The following CLEC9A variants were observed in gnomAD, a reference collection of about 807,000 sequenced individuals.
CLEC9A encodes the protein C-type lectin domain family 9 member A.
In CLEC9A, 24 loss-of-function variants were observed where a neutral mutation model predicts 30.0. The observed-to-expected ratio is 0.80, with a 90% CI of 0.58 to 1.13. The LOEUF is 1.13. CLEC9A is among the 50% of genes most tolerant of loss of function. CLEC9A has a pLI of 0.00. For synonymous variants in CLEC9A, 111 were observed against 96.8 expected, an observed-to-expected ratio of 1.15 and a Z score of -0.86; for missense variants, 251 against 280.9, an observed-to-expected ratio of 0.89 and a Z score of 0.76.
chr12:10,050,237 A>T (rs1865881353), intron 2 of CLEC9A, among the ~76,000 whole-genome samples: 1 of 152,246 alleles, frequency 6.6e-6, no homozygotes, highest in African/African-American at 2.4e-5. Context: ...ATCAAAGATC[A>T]CCGTAACAGG....
Position 10,036,006 on chromosome 12 carries a change from A to C in CLEC9A, c.-318+5034A>C, listed in dbSNP as rs528963621. 5.3e-5 allele frequency among the ~76,000 whole-genome samples: 8 copies of C among 152,316 alleles called. No individual in the cohort carries two copies. The East Asian group carries it at 1.3e-3, about 26-fold the overall frequency. ...ACATTGCCTTCTTCTTTTTCTTCTT[A>C]GGCAATATTTACCTTTCCTTCAAAT... On this transcript the variant is annotated intron_variant, in intron 1 of 8. Transcript: ENST00000355819.
At chr12:10,039,239 A>G (rs1865770356) in intron 1 of CLEC9A, among the ~76,000 whole-genome samples, 2 of 152,080 alleles carry the variant, frequency 1.3e-5, no homozygotes, top group African/African-American at 2.4e-5. Flanking sequence ...GACTCTGCCA[A>G]AGATTTGATT....
rs1865995193 is a variant in CLEC9A, at chr12:10,061,291, G to C, written c.319+18G>C. ...AAGTTCAGGTAATGGATAAAAATCAGTTTCCACTGTATACATCTAAATATA... is the reference window on the plus strand; with the variant it reads ...AAGTTCAGGTAATGGATAAAAATCACTTTCCACTGTATACATCTAAATATA... On this transcript the variant is annotated intron_variant, in intron 6 of 8. Transcript: ENST00000355819. 6.2e-7 allele frequency: 1 copy of C among 1,602,432 alleles called. No individual in the cohort carries two copies. The highest frequency in any genetic ancestry group is 8.5e-7 in the Non-Finnish European group (1 of 1,176,112).
intron 5 of CLEC9A, among the ~76,000 whole-genome samples, chr12:10,057,001 A>T (rs927602237): frequency 6.6e-6 from 1 of 152,168 alleles, no homozygotes; most frequent in African/African-American, 2.4e-5. Flanking sequence ...ATTAATTTTT[A>T]TTGTTGTTGT....
chr12:10,044,857 T>C (rs1865832037), intron 2 of CLEC9A, among the ~76,000 whole-genome samples: 1 of 152,188 alleles, frequency 6.6e-6, no homozygotes, highest in Non-Finnish European at 1.5e-5. Context: ...CCTCAGCCCA[T>C]AGAACAACTT....
At chr12:10,031,166 T>C (rs1468116927) in intron 1 of CLEC9A, among the ~76,000 whole-genome samples, 194 bp downstream of exon 1, 1 of 152,118 alleles carries the variant, frequency 6.6e-6, no homozygotes, top group Non-Finnish European at 1.5e-5. Flanking sequence ...AAATAATGAA[T>C]GATATGTGGG....
intron 1 of CLEC9A, among the ~76,000 whole-genome samples, chr12:10,035,572 G>A (rs1002583855): frequency 3.3e-5 from 5 of 151,996 alleles, no homozygotes; most frequent in Admixed American, 2.0e-4. Context: ...TCCCATAATC[G>A]CACTGAGTAG....
At chr12:10,031,737 A>C (rs545206720) in intron 1 of CLEC9A, among the ~76,000 whole-genome samples, 3 of 152,254 alleles carry the variant, frequency 2.0e-5, no homozygotes, top group African/African-American at 7.2e-5. Flanking sequence ...TGGGAGTAGC[A>C]ACCAATGTCG....
intron 2 of CLEC9A, among the ~76,000 whole-genome samples, chr12:10,042,104 C>G (rs974351540): frequency 1.3e-5 from 2 of 152,208 alleles, no homozygotes; most frequent in African/African-American, 4.8e-5. Flanking sequence ...TTGTATTACT[C>G]TAGGCTGGTG....
intron 6 of CLEC9A, among the ~76,000 whole-genome samples, chr12:10,062,183 T>C (rs2137314893): frequency 6.6e-6 from 1 of 152,334 alleles, no homozygotes; most frequent in South Asian, 2.1e-4. Flanking sequence ...TTCAGGATAT[T>C]GGTTGGCAGG....
intron 2 of CLEC9A, among the ~76,000 whole-genome samples, chr12:10,047,672 A>G (rs1376128990): frequency 6.6e-6 from 1 of 152,224 alleles, no homozygotes; most frequent in Non-Finnish European, 1.5e-5. Flanking sequence ...CACACTAATT[A>G]TTTGGCTTCC....
rs528255160 is a variant in CLEC9A at position 10,062,763 on chromosome 12, A to C, written c.320-292A>C. On this transcript the variant is annotated intron_variant, in intron 6 of 8. Coordinates refer to ENST00000355819, the MANE Select transcript of CLEC9A (RefSeq NM_207345.4). Reference sequence around the variant, plus strand: ...AAATGATGTGAATTCAAAGAAAGGAAAGATTGATAAAACTGGAATAATCAG... The same window carrying C: ...AAATGATGTGAATTCAAAGAAAGGACAGATTGATAAAACTGGAATAATCAG... Among the ~76,000 whole-genome samples, 3 of 152,338 alleles carry C rather than the reference A, an allele frequency of 2.0e-5. No homozygotes were observed. In the East Asian group the frequency reaches 5.8e-4, roughly 29 times the overall value.
At chr12:10,040,903 G>C in intron 1 of CLEC9A, 1 of 211,894 alleles carries the variant, frequency 4.7e-6, no homozygotes. Flanking sequence ...CAGGAACTCT[G>C]CAACAATTAG....
intron 5 of CLEC9A, among the ~76,000 whole-genome samples, chr12:10,054,970 A>T (rs949623522): frequency 6.6e-6 from 1 of 152,216 alleles, no homozygotes; most frequent in African/African-American, 2.4e-5. Flanking sequence ...TTTGCAAATC[A>T]TATCTCTATC....
At chr12:10,057,431 ATAATGAAAGTGC>A (rs1865952757) in intron 5 of CLEC9A, among the ~76,000 whole-genome samples, 1 of 152,010 alleles carries the variant, frequency 6.6e-6, no homozygotes, top group Non-Finnish European at 1.5e-5. Context: ...TAACATGAAC[ATAATGAAAGTGC>A]TAATTACAAA....
Position 10,061,222 on chromosome 12 carries a change from G to A in CLEC9A, c.268G>A (p.Ala90Thr), listed in dbSNP as rs758192701. 3 of 1,611,534 alleles carry A rather than the reference G, an allele frequency of 1.9e-6. No individual in the cohort carries two copies. The highest frequency in any genetic ancestry group is 2.7e-5 in the African/African-American group (2 of 74,768). The change falls in exon 6 of 9, where the codon GCC (alanine) becomes ACC (threonine). Residue 90 changes from alanine (A) to threonine (T), a missense_variant. By Grantham distance (58) the Ala-to-Thr change is moderately conservative. Coordinates refer to ENST00000355819, the MANE Select transcript of CLEC9A (RefSeq NM_207345.4). ...CTTTACAGAATGGAAGAGAAGCTGT[G>A]CCCTTCAGATGAAATATTGCCAAGC... ...LNFTEWKRSCALQMKYCQAFM... is the reference protein window; with the variant it reads ...LNFTEWKRSCTLQMKYCQAFM...
intron 2 of CLEC9A, among the ~76,000 whole-genome samples, chr12:10,043,969 G>A (rs1360550931): frequency 7.9e-5 from 12 of 152,024 alleles, no homozygotes; most frequent in East Asian, 1.9e-4. Flanking sequence ...ATAAGCCACC[G>A]CGCCTGGCCC....
chr12:10,062,227 CAACTT>C (rs1866004555), intron 6 of CLEC9A, among the ~76,000 whole-genome samples: 1 of 152,184 alleles, frequency 6.6e-6, no homozygotes, highest in South Asian at 2.1e-4. Flanking sequence ...GAGCTTTAAA[CAACTT>C]AACATCTGGC....
intron 1 of CLEC9A, among the ~76,000 whole-genome samples, chr12:10,032,515 C>G (rs944998043): frequency 1.3e-5 from 2 of 151,538 alleles, no homozygotes; most frequent in African/African-American, 4.9e-5. Flanking sequence ...CTCAGCCTCT[C>G]GAGTAGCTGG....
Sources: gnomAD v4.1 joint callset for allele counts (sites outside exome capture counted in the v4.1 genomes callset) on GRCh38, gnomAD v4.1.1 for gene constraint, MANE v1.5 for transcripts, NCBI Gene and HGNC (gene_info 2026-07-23, HGNC 2026-07-21) for gene names.